Variants in HTR3B observed in about 807,000 individuals in gnomAD.
The protein encoded by HTR3B is 5-hydroxytryptamine receptor 3B.
HTR3B carries 44 observed loss-of-function variants against 42.8 expected under a neutral mutation model. That is an observed-to-expected ratio of 1.03 (90% CI 0.81 to 1.32). The LOEUF is 1.32. HTR3B is among the 40% of genes most tolerant of loss of function. The pLI, the probability that HTR3B is intolerant of heterozygous loss-of-function variation, is 0.00. For missense variants in HTR3B, 527 were observed against 536.5 expected, an observed-to-expected ratio of 0.98 and a Z score of 0.17; for synonymous variants, 203 against 209.0, an observed-to-expected ratio of 0.97 and a Z score of 0.25.
chr11:113,932,794 C>T (rs1001746931), intron 5 of HTR3B, 142 bp from the exon 6 acceptor site: 121 of 766,670 alleles, frequency 1.6e-4, no homozygotes, highest in Non-Finnish European at 2.4e-4. Context: ...CACATCCCTA[C>T]CCCCTAATTC....
At chr11:113,915,517 A>G (rs1949843658) in intron 2 of HTR3B, among the ~76,000 whole-genome samples, 1 of 152,210 alleles carries the variant, frequency 6.6e-6, no homozygotes, top group Non-Finnish European at 1.5e-5. Context: ...AGATTTATCC[A>G]TATTGTTGCA....
chr11:113,933,706 G>A lies in HTR3B; in HGVS notation c.696+613G>A, dbSNP rs182672591. Among the ~76,000 whole-genome samples, 47 of 152,200 alleles carry A rather than the reference G, an allele frequency of 3.1e-4. No individual in the cohort carries two copies. In the East Asian group the frequency reaches 6.6e-3, roughly 21 times the overall value. On this transcript the variant is annotated intron_variant, in intron 6 of 8. Coordinates refer to ENST00000260191, the MANE Select transcript of HTR3B (RefSeq NM_006028.5). ...GCATTGTTCATAGGGAAATTTGTCCGGCATGAAACTAGGGGATGGTGGGGT... is the reference window on the plus strand; with the variant it reads ...GCATTGTTCATAGGGAAATTTGTCCAGCATGAAACTAGGGGATGGTGGGGT...
At chr11:113,924,533 G>A (rs967651059) in intron 2 of HTR3B, among the ~76,000 whole-genome samples, 14 of 150,582 alleles carry the variant, frequency 9.3e-5, no homozygotes, top group Non-Finnish European at 1.8e-4. Flanking sequence ...GCTGAAATGG[G>A]AGGATCACTT....
At position 113,946,038 on chromosome 11, in the gene HTR3B, G is replaced by A. The variant is rs991731465; in HGVS notation, c.1227G>A (p.Leu409=). 6.2e-7 allele frequency: 1 copy of A among 1,614,088 alleles called. No homozygotes were observed. Among genetic ancestry groups the A allele is most frequent in the Non-Finnish European group, 8.5e-7 (1 of 1,180,010 alleles). The change falls in exon 9 of 9, where the codon CTG becomes CTA. Residue 409 remains leucine, a synonymous_variant. Transcript: ENST00000260191. ...DQQEAEWLVL[L]SRFDRLLFQS... is the part of the protein sequence containing the mutation. The stretch of plus-strand genomic sequence containing the variant: ...AGGAGGCAGAGTGGCTGGTCCTCCT[G>A]TCCCGCTTTGACCGACTGCTCTTCC...
intron 8 of HTR3B, among the ~76,000 whole-genome samples, chr11:113,945,112 T>C (rs1186478833): frequency 6.6e-6 from 1 of 151,962 alleles, no homozygotes; most frequent in East Asian, 1.9e-4. Context: ...GCTGAAAGTC[T>C]AATTTTGGCT....
At chr11:113,924,182 T>C (rs1256317203) in intron 2 of HTR3B, among the ~76,000 whole-genome samples, 1 of 152,198 alleles carries the variant, frequency 6.6e-6, no homozygotes, top group African/African-American at 2.4e-5. Context: ...ACTATATATC[T>C]CAGTGATATA....
chr11:113,948,864 A>G lies in HTR3B; in HGVS notation c.*2727A>G, dbSNP rs1950199220. Among the ~76,000 whole-genome samples, 1 of 3,020 alleles carries G rather than the reference A, an allele frequency of 3.3e-4. No individual in the cohort carries two copies. The highest frequency in any genetic ancestry group is 0.023 in the South Asian group (1 of 44). The allele number at this position is 3,020 out of a possible 152,430, so 2.0% of individuals were successfully genotyped here. The stretch of plus-strand genomic sequence containing the variant: ...GGCAACAAGAGCTAAACTCTATCTC[A>G]AAAAAAAAAAAAAGTTTAAAGTGCT... On this transcript the variant is annotated 3_prime_UTR_variant, in exon 9 of 9. Transcript: ENST00000260191.
Position 113,943,008 on chromosome 11 carries a change from CTA to C in HTR3B, c.725_726del (p.Tyr242CysfsTer8), listed in dbSNP as rs1395880987. ...TGGTGATGCGCAGGCACCCCCTGGT[CTA>C]TGTCGTGAGTCTGCTGATTCCTAGC... ...NVVMRRHPLVYVVSLLIPSIF... is the reference protein window; with the variant it reads ...NVVMRRHPLVXVVSLLIPSIF... On this transcript the variant is annotated frameshift_variant, in exon 7 of 9. Transcript: ENST00000260191. LOFTEE classifies it high-confidence loss of function. The C allele has an allele frequency of 1.2e-6, 2 of 1,613,964 alleles. No homozygotes were observed. The highest frequency in any genetic ancestry group is 1.7e-6 in the Non-Finnish European group (2 of 1,180,032).
chr11:113,903,446 T>C (rs1358489347), upstream of HTR3B, among the ~76,000 whole-genome samples: 2 of 143,358 alleles, frequency 1.4e-5, no homozygotes, highest in African/African-American at 2.6e-5. Flanking sequence ...TTTTTTTTTT[T>C]TGAGGCGGAG....
At chr11:113,928,063 G>A (rs1034069076) in intron 2 of HTR3B, among the ~76,000 whole-genome samples, 1 of 152,094 alleles carries the variant, frequency 6.6e-6, no homozygotes, top group African/African-American at 2.4e-5. Context: ...GCCCCAGTGT[G>A]TGTGGTTCCC....
intron 2 of HTR3B, among the ~76,000 whole-genome samples, chr11:113,924,589 C>T (rs1480862804): frequency 6.9e-6 from 1 of 144,792 alleles, no homozygotes; most frequent in Non-Finnish European, 1.5e-5. Flanking sequence ...TGTGCCACTG[C>T]ACCCCAGCTT....
chr11:113,909,286 A>G lies in HTR3B; in HGVS notation c.53-9A>G. On this transcript the variant is annotated splice_polypyrimidine_tract_variant and intron_variant, in intron 1 of 8. Coordinates refer to ENST00000260191, the MANE Select transcript of HTR3B (RefSeq NM_006028.5). ...ACTTTTATCTTCACAATGATAGTTT[A>G]TTTTCCAGGAATTCTAGCCACAGAT... The G allele has an allele frequency of 6.2e-7, 1 of 1,609,454 alleles. No individual in the cohort carries two copies. Among genetic ancestry groups the G allele is most frequent in the Non-Finnish European group, 8.5e-7 (1 of 1,175,902 alleles).
At position 113,931,810 on chromosome 11, in the gene HTR3B, G is replaced by T. The variant is rs748028665; in HGVS notation, c.311G>T (p.Arg104Ile). 5 of 1,612,932 alleles carry T rather than the reference G, an allele frequency of 3.1e-6. No homozygotes were observed. In the South Asian group the frequency reaches 5.5e-5, roughly 18 times the overall value. Residue 104 changes from arginine to isoleucine, a missense_variant, in exon 4 of 9, where the codon AGA becomes ATA. Transcript: ENST00000260191. Reference protein sequence around the residue: ...SWNSSMFDEIREISLPLSAIW... With the variant: ...SWNSSMFDEIIEISLPLSAIW... The stretch of plus-strand genomic sequence containing the variant: ...AACTCCAGCATGTTTGATGAGATTA[G>T]AGAGATCTCCCTACCTCTAAGTGCC...
chr11:113,930,946 G>A (rs17116121), intron 2 of HTR3B, among the ~76,000 whole-genome samples: 8,056 of 152,108 alleles, frequency 0.053, 274 homozygotes, highest in African/African-American at 0.082. Context: ...CCAAACATAC[G>A]GTAACTTAAC....
chr11:113,933,174 C>A, intron 6 of HTR3B, 81 bp downstream of exon 6: 1 of 1,358,524 alleles, frequency 7.4e-7, no homozygotes, highest in Non-Finnish European at 1.0e-6. Context: ...AATTTCTGCT[C>A]TATTGCATGT....
intron 1 of HTR3B, among the ~76,000 whole-genome samples, chr11:113,905,407 A>AAGTC (rs1229262382): frequency 6.6e-6 from 1 of 152,152 alleles, no homozygotes; most frequent in Non-Finnish European, 1.5e-5. Flanking sequence ...CCCAGAGAAA[A>AAGTC]AGTCCACTAG....
upstream of HTR3B, among the ~76,000 whole-genome samples, chr11:113,903,217 T>C (rs1949707616): frequency 6.6e-6 from 1 of 152,114 alleles, no homozygotes; most frequent in Non-Finnish European, 1.5e-5. Context: ...TGTCCCACAG[T>C]ATGCCACTGT....
intron 2 of HTR3B, among the ~76,000 whole-genome samples, chr11:113,924,579 T>A (rs1409119331): frequency 7.0e-6 from 1 of 143,672 alleles, no homozygotes; most frequent in Non-Finnish European, 1.5e-5. Flanking sequence ...GAGCCATGAT[T>A]GTGCCACTGC....
At position 113,947,656 on chromosome 11, in the gene HTR3B, T is replaced by C. The variant is rs1950190026; in HGVS notation, c.*1519T>C. ...CTTCTAACAAGGGCACCAGTGTTGT[T>C]GGTTTAGGGTCCATCCTAGTGACCT... is the stretch of plus-strand genomic sequence containing the variant. On this transcript the variant is annotated 3_prime_UTR_variant, in exon 9 of 9. Transcript: ENST00000260191. 6.6e-6 allele frequency among the ~76,000 whole-genome samples: 1 copy of C among 152,220 alleles called. No individual in the cohort carries two copies. Among genetic ancestry groups the C allele is most frequent in the African/African-American group, 2.4e-5 (1 of 41,458 alleles).
Sources: allele counts gnomAD v4.1 joint callset (sites outside exome capture counted in the v4.1 genomes callset), GRCh38; gene constraint gnomAD v4.1.1; transcripts MANE v1.5; gene names NCBI Gene and HGNC (gene_info 2026-07-23, HGNC 2026-07-21).